Variants in DPP10 observed in about 807,000 individuals in gnomAD.
The protein encoded by DPP10 is inactive dipeptidyl peptidase 10.
A neutral mutation model predicts 120.9 loss-of-function variants in DPP10; 33 were observed. The ratio of observed to expected loss-of-function variants is 0.27; its 90% CI spans 0.21 to 0.37. The LOEUF (loss-of-function observed/expected upper bound fraction) is 0.37. DPP10 is among the 10% of genes least tolerant of loss of function. The pLI is 1.00. For synonymous variants in DPP10, 337 were observed against 326.1 expected (o/e 1.03, Z -0.36); for missense variants, 816 against 942.8 (o/e 0.87, Z 1.76).
At chr2:115,130,773 G>T (rs2050314009) in intron 1 of DPP10, among the ~76,000 whole-genome samples, 1 of 152,070 alleles carries the variant, frequency 6.6e-6, no homozygotes, top group African/African-American at 2.4e-5. Context: ...AGCTGGGCTG[G>T]TAGAATTGAA....
At chr2:115,503,494 G>C (rs1487675942) in intron 4 of DPP10, among the ~76,000 whole-genome samples, 1 of 152,118 alleles carries the variant, frequency 6.6e-6, no homozygotes, top group Non-Finnish European at 1.5e-5. Context: ...AAGAATTACT[G>C]AACAAAGGCA....
At chr2:115,659,292 G>A (rs184649997) in intron 5 of DPP10, among the ~76,000 whole-genome samples, 2 of 152,130 alleles carry the variant, frequency 1.3e-5, no homozygotes, top group East Asian at 3.9e-4. Context: ...TGGTATAGCA[G>A]CACAAGTGAA....
intron 1 of DPP10, among the ~76,000 whole-genome samples, chr2:114,530,100 T>G (rs1685835468): frequency 6.6e-6 from 1 of 152,192 alleles, no homozygotes; most frequent in African/African-American, 2.4e-5. Flanking sequence ...TTATGACATT[T>G]CTGCCACAGG....
intron 1 of DPP10, among the ~76,000 whole-genome samples, chr2:114,995,139 C>A (rs1700996902): frequency 6.6e-6 from 1 of 152,130 alleles, no homozygotes; most frequent in Admixed American, 6.5e-5. Flanking sequence ...GAGAACCTGC[C>A]CAGAGGAGCC....
At chr2:115,460,558 T>A (rs2073928528) in intron 3 of DPP10, among the ~76,000 whole-genome samples, 1 of 152,242 alleles carries the variant, frequency 6.6e-6, no homozygotes, top group Admixed American at 6.5e-5. Flanking sequence ...TCTCAAGTTA[T>A]CTAACTGGCT....
At chr2:115,316,968 C>A (rs1381966424) in intron 2 of DPP10, among the ~76,000 whole-genome samples, 2 of 152,048 alleles carry the variant, frequency 1.3e-5, no homozygotes, top group Non-Finnish European at 2.9e-5. Context: ...AAACAATTAG[C>A]CAGGTTTGTT....
At chr2:114,663,666 T>TAGAGAGAGAGAGAGAGAGAGAGAG (rs1264946349) in intron 1 of DPP10, among the ~76,000 whole-genome samples, 25 of 92,606 alleles carry the variant, frequency 2.7e-4, no homozygotes, top group African/African-American at 1.5e-3. Flanking sequence ...TATATATATA[T>TAGAGAGAGAGAGAGAGAGAGAGAG]ATAGAGAGAG....
At chr2:115,379,550 C>A (rs1048605859) in intron 3 of DPP10, among the ~76,000 whole-genome samples, 1 of 151,970 alleles carries the variant, frequency 6.6e-6, no homozygotes, top group African/African-American at 2.4e-5. Flanking sequence ...GTCTCTATTT[C>A]CTTCAGTTCT....
chr2:114,695,676 T>C (rs1700028659), intron 1 of DPP10, among the ~76,000 whole-genome samples: 1 of 152,086 alleles, frequency 6.6e-6, no homozygotes, highest in South Asian at 2.1e-4. Flanking sequence ...TCTTGCTTTA[T>C]TCTTAACAGC....
intron 1 of DPP10, among the ~76,000 whole-genome samples, chr2:114,443,400 G>C (rs1235623014): frequency 6.6e-6 from 1 of 152,166 alleles, no homozygotes; most frequent in South Asian, 2.1e-4. Context: ...AAACCAGTGA[G>C]ATGATTGGAG....
chr2:114,727,666 A>C (rs1418910004), intron 1 of DPP10, among the ~76,000 whole-genome samples: 2 of 152,200 alleles, frequency 1.3e-5, no homozygotes, highest in Non-Finnish European at 2.9e-5. Flanking sequence ...TTGTTCCCCG[A>C]TGGCTGCACA....
chr2:114,942,390 TAC>T (rs1243561927), intron 1 of DPP10, among the ~76,000 whole-genome samples: 6,070 of 51,376 alleles, frequency 0.12, 514 homozygotes, highest in African/African-American at 0.3. Context: ...TATATATATA[TAC>T]ACACACACAC....
intron 3 of DPP10, among the ~76,000 whole-genome samples, chr2:115,437,701 A>G (rs937699625): frequency 1.3e-5 from 2 of 152,086 alleles, no homozygotes; most frequent in African/African-American, 4.8e-5. Flanking sequence ...AACAGTTTAC[A>G]GTACAGTGTG....
intron 5 of DPP10, among the ~76,000 whole-genome samples, chr2:115,573,608 G>A (rs1359686518): frequency 1.1e-5 from 1 of 88,256 alleles, no homozygotes; most frequent in African/African-American, 4.5e-5. Flanking sequence ...TTTTTTTTGA[G>A]ACAGAGTCTC....
intron 21 of DPP10, among the ~76,000 whole-genome samples, chr2:115,829,460 C>A (rs185974543): frequency 6.7e-6 from 1 of 148,276 alleles, no homozygotes; most frequent in African/African-American, 2.6e-5. Context: ...AATTTTCACT[C>A]TTTACTTCTC....
At chr2:114,757,288 G>A (rs949327085) in intron 1 of DPP10, among the ~76,000 whole-genome samples, 8 of 142,250 alleles carry the variant, frequency 5.6e-5, no homozygotes, top group African/African-American at 2.1e-4. Flanking sequence ...GAATGGGGGC[G>A]AGAGAAAGGA....
intron 5 of DPP10, among the ~76,000 whole-genome samples, chr2:115,630,978 G>A (rs1056433910): frequency 6.6e-6 from 1 of 151,042 alleles, no homozygotes; most frequent in Non-Finnish European, 1.5e-5. Flanking sequence ...AGAAGAAGTG[G>A]CACCAGCTCC....
chr2:115,100,639 C>T (rs937769559), intron 1 of DPP10, among the ~76,000 whole-genome samples: 36 of 151,944 alleles, frequency 2.4e-4, no homozygotes, highest in East Asian at 1.9e-3. Context: ...TCCAAAGTGG[C>T]GGTAACTAAG....
At chr2:115,232,581 A>G (rs78898588) in intron 1 of DPP10, among the ~76,000 whole-genome samples, 4,226 of 152,292 alleles carry the variant, frequency 0.028, 196 homozygotes, top group African/African-American at 0.095. Flanking sequence ...ACATGTATAG[A>G]GTTGTCATAT....
Sources: allele counts gnomAD v4.1 joint callset (sites outside exome capture counted in the v4.1 genomes callset), GRCh38; gene constraint gnomAD v4.1.1; transcripts MANE v1.5; gene names NCBI Gene and HGNC (gene_info 2026-07-23, HGNC 2026-07-21).